The following TBC1D5 variants were observed in gnomAD, a reference collection of about 807,000 sequenced individuals.
The protein encoded by TBC1D5 is TBC1 domain family, member 5.
In TBC1D5, 75 loss-of-function variants were observed where a neutral mutation model predicts 100.3. The observed-to-expected ratio is 0.75, with a 90% CI of 0.62 to 0.91. TBC1D5 has a LOEUF of 0.91. TBC1D5 is among the 40% of genes least tolerant of loss of function. TBC1D5 has a pLI of 0.00. For missense variants in TBC1D5, 910 were observed against 942.4 expected (o/e 0.97, Z 0.45); for synonymous variants, 323 against 325.6 (o/e 0.99, Z 0.09).
intron 18 of TBC1D5, among the ~76,000 whole-genome samples, chr3:17,212,249 T>C (rs1205149372): frequency 2.0e-5 from 3 of 152,284 alleles, no homozygotes; most frequent in South Asian, 4.1e-4. Flanking sequence ...ACCACATACA[T>C]GATGGTGGTC....
chr3:17,605,609 A>G (rs906373770), intron 2 of TBC1D5, among the ~76,000 whole-genome samples: 2 of 152,156 alleles, frequency 1.3e-5, no homozygotes, highest in Non-Finnish European at 2.9e-5. Flanking sequence ...AGTAACCAGA[A>G]AATTTGATCA....
intron 1 of TBC1D5, among the ~76,000 whole-genome samples, chr3:17,732,751 T>C (rs1043908786): frequency 4.9e-5 from 3 of 61,030 alleles, no homozygotes; most frequent in African/African-American, 1.5e-4. Flanking sequence ...AAATAAAATT[T>C]AAATATATAT....
At chr3:17,655,457 AAT>A (rs66799737) in intron 1 of TBC1D5, among the ~76,000 whole-genome samples, 1 of 107,964 alleles carries the variant, frequency 9.3e-6, no homozygotes, top group Non-Finnish European at 1.9e-5. Flanking sequence ...AAAGTATAAT[AAT>A]AATTAAATTA....
At chr3:17,380,980 T>A (rs1246258001) in intron 9 of TBC1D5, among the ~76,000 whole-genome samples, 1 of 152,116 alleles carries the variant, frequency 6.6e-6, no homozygotes, top group Non-Finnish European at 1.5e-5. Flanking sequence ...CTTAAGGTTT[T>A]TTCTTAAATT....
At chr3:17,643,605 T>C (rs2064741236) in intron 1 of TBC1D5, among the ~76,000 whole-genome samples, 1 of 152,204 alleles carries the variant, frequency 6.6e-6, no homozygotes, top group South Asian at 2.1e-4. Flanking sequence ...TTAAACTGTA[T>C]CAAATGTCAA....
chr3:17,613,248 G>A (rs1412898044), intron 2 of TBC1D5, among the ~76,000 whole-genome samples: 2 of 152,156 alleles, frequency 1.3e-5, no homozygotes, highest in Non-Finnish European at 2.9e-5. Flanking sequence ...GTATTCCATG[G>A]TGTATATGGG....
rs572693462 is a variant in TBC1D5 at position 17,621,692 on chromosome 3, T to C, written c.-36+2157A>G. ...GTCCTGTCTCTAGCACTCCATGATA[T>C]AGTATTCTCGCTAACTTTTTTTTTT... On this transcript the variant is annotated intron_variant, in intron 2 of 21. Transcript: ENST00000253692. 3.5e-4 allele frequency among the ~76,000 whole-genome samples: 52 copies of C among 150,056 alleles called. No homozygotes were observed. In the South Asian group the frequency reaches 6.7e-3, roughly 19 times the overall value.
At chr3:17,297,098 G>A (rs1320184462) in intron 14 of TBC1D5, among the ~76,000 whole-genome samples, 1 of 152,208 alleles carries the variant, frequency 6.6e-6, no homozygotes, top group Admixed American at 6.5e-5. Flanking sequence ...ATTGCCAGTG[G>A]CTAGTGTGTG....
chr3:17,264,355 T>C (rs2078643412), intron 15 of TBC1D5, among the ~76,000 whole-genome samples: 2 of 152,202 alleles, frequency 1.3e-5, no homozygotes, highest in African/African-American at 4.8e-5. Flanking sequence ...TCCAAGGTGG[T>C]ATCTCCATTT....
intron 2 of TBC1D5, among the ~76,000 whole-genome samples, chr3:17,533,597 A>C (rs1181197565): frequency 6.6e-6 from 1 of 152,186 alleles, no homozygotes; most frequent in Non-Finnish European, 1.5e-5. Flanking sequence ...TGCTGGTCAT[A>C]AGATTGGATT....
chr3:17,737,531 A>G (rs2077051114), intron 1 of TBC1D5, among the ~76,000 whole-genome samples: 1 of 152,106 alleles, frequency 6.6e-6, no homozygotes, highest in Admixed American at 6.6e-5. Flanking sequence ...TACTTTCTAT[A>G]ATGGGGGGAG....
intron 13 of TBC1D5, among the ~76,000 whole-genome samples, chr3:17,332,138 A>G (rs1287693868): frequency 1.3e-5 from 2 of 152,190 alleles, no homozygotes; most frequent in Non-Finnish European, 2.9e-5. Flanking sequence ...AATAGTTCCG[A>G]TAAGAGATAG....
intron 2 of TBC1D5, among the ~76,000 whole-genome samples, chr3:17,561,803 C>T (rs1228934856): frequency 6.6e-6 from 1 of 152,112 alleles, no homozygotes; most frequent in Non-Finnish European, 1.5e-5. Context: ...AACCCCAAAA[C>T]ATGACAAAGA....
chr3:17,378,599 C>G (rs1481187152), intron 9 of TBC1D5, among the ~76,000 whole-genome samples: 12 of 151,782 alleles, frequency 7.9e-5, no homozygotes, highest in Admixed American at 7.9e-4. Flanking sequence ...ATTTTTGTTA[C>G]AAACATTTTA....
chr3:17,294,737 A>G (rs548440635), intron 14 of TBC1D5, among the ~76,000 whole-genome samples: 4 of 152,352 alleles, frequency 2.6e-5, no homozygotes, highest in African/African-American at 9.6e-5. Flanking sequence ...GGAATATAAC[A>G]GCAAATAAGT....
intron 4 of TBC1D5, among the ~76,000 whole-genome samples, chr3:17,413,432 G>A (rs571684223): frequency 1.3e-5 from 2 of 152,244 alleles, no homozygotes; most frequent in East Asian, 3.9e-4. Context: ...TAAGCTTCCT[G>A]CAATGGCTAT....
chr3:17,325,904 T>C (rs2086063637), intron 13 of TBC1D5, among the ~76,000 whole-genome samples: 1 of 152,142 alleles, frequency 6.6e-6, no homozygotes, highest in Non-Finnish European at 1.5e-5. Flanking sequence ...ACAGGAAAAT[T>C]AAGTGACAAA....
chr3:17,461,282 C>T (rs1306803560), intron 3 of TBC1D5, among the ~76,000 whole-genome samples: 2 of 152,164 alleles, frequency 1.3e-5, no homozygotes, highest in Non-Finnish European at 1.5e-5. Context: ...CGTGCAAACA[C>T]ACCTCTGGTT....
At chr3:17,523,936 T>TG (rs1282866740) in intron 2 of TBC1D5, among the ~76,000 whole-genome samples, 8 of 152,214 alleles carry the variant, frequency 5.3e-5, no homozygotes, top group Admixed American at 2.0e-4. Flanking sequence ...GGAGGATGAC[T>TG]GGGAGAAGTT....
Sources: gnomAD v4.1 joint callset for allele counts (sites outside exome capture counted in the v4.1 genomes callset) on GRCh38, gnomAD v4.1.1 for gene constraint, MANE v1.5 for transcripts, NCBI Gene and HGNC (gene_info 2026-07-23, HGNC 2026-07-21) for gene names.